The following DST variants were observed in gnomAD, a reference collection of about 807,000 sequenced individuals.
DST encodes the protein dystonin, also known as bullous pemphigoid antigen.
A neutral mutation model predicts 875.2 loss-of-function variants in DST; 253 were observed. The observed-to-expected ratio is 0.29, with a 90% CI of 0.26 to 0.32. The LOEUF (loss-of-function observed/expected upper bound fraction) is 0.32. Ranked by LOEUF, DST falls within the 10% of genes least tolerant of loss-of-function variation. DST has a pLI of 1.00. For synonymous variants in DST, 3,124 were observed against 3,197.1 expected (o/e 0.98, Z 0.77); for missense variants, 8,287 against 9,111.6 (o/e 0.91, Z 3.68).
In DST at chr6:56,557,571, C is replaced by CT. The variant is rs2097447183; in HGVS notation, c.14441-54dup. On this transcript the variant is annotated intron_variant, in intron 58 of 103. Transcript: ENST00000680361. ...TTGACATTTTTTGCATTTAACATGACTATGTCTATGAGGACTGTATGGTAT... is the reference window on the plus strand; with the variant it reads ...TTGACATTTTTTGCATTTAACATGACTTATGTCTATGAGGACTGTATGGTAT... The CT allele has an allele frequency of 3.0e-6, 4 of 1,342,638 alleles. No individual in the cohort carries two copies. The Admixed American group carries it at 8.0e-5, about 27-fold the overall frequency. 83.2% of individuals were successfully genotyped at this position (1,342,638 alleles called of 1,614,324 possible).
At chr6:56,849,920 A>T (rs1448642723) in intron 4 of DST, among the ~76,000 whole-genome samples, 1 of 151,680 alleles carries the variant, frequency 6.6e-6, no homozygotes, top group Admixed American at 6.6e-5. Flanking sequence ...TCTCACTCAC[A>T]CCCTCCTTTC....
intron 75 of DST, among the ~76,000 whole-genome samples, chr6:56,507,092 G>GT (rs1180126874): frequency 1.3e-5 from 2 of 152,104 alleles, no homozygotes; most frequent in African/African-American, 4.8e-5. Flanking sequence ...GGCTTAGAAA[G>GT]ACATTTTGGT....
At chr6:56,797,262 G>C (rs955882101) in intron 4 of DST, among the ~76,000 whole-genome samples, 1 of 152,064 alleles carries the variant, frequency 6.6e-6, no homozygotes, top group African/African-American at 2.4e-5. Flanking sequence ...CCAACAACCA[G>C]CCACCATACC....
At chr6:56,947,726 C>T (rs1449484062) in intron 2 of DST, among the ~76,000 whole-genome samples, 1 of 152,226 alleles carries the variant, frequency 6.6e-6, no homozygotes, top group African/African-American at 2.4e-5. Context: ...GTCCCTTTCT[C>T]TAACCATACT....
At chr6:56,617,927 A>G (rs144702481) in intron 36 of DST, 1 of 1,470,236 alleles carries the variant, frequency 6.8e-7, no homozygotes, top group African/African-American at 1.4e-5. Flanking sequence ...GAGAGAAAGG[A>G]AACAAATGAG....
In DST at chr6:56,662,759, G is replaced by T. The variant is rs141941126; in HGVS notation, c.1214+7882C>A. On this transcript the variant is annotated intron_variant, in intron 10 of 103. Coordinates refer to ENST00000680361, the MANE Select transcript of DST (RefSeq NM_001374736.1). ...GTTTGAGAACAGCCCAACCAAAATG[G>T]TGAAACCCTGTCTCTACTAAAAATA... Among the ~76,000 whole-genome samples, 40 of 152,156 alleles carry T rather than the reference G, an allele frequency of 2.6e-4. No homozygotes were observed. The East Asian group carries it at 7.7e-3, about 29-fold the overall frequency.
chr6:56,511,153 G>C, intron 73 of DST, 44 bp downstream of exon 73: 3 of 1,483,642 alleles, frequency 2.0e-6, no homozygotes, highest in Non-Finnish European at 2.8e-6. Flanking sequence ...TCTGTGCTCT[G>C]TTGTCTGCAA....
chr6:56,501,418 A>G (rs1274040221), intron 79 of DST, 102 bp downstream of exon 79: 1 of 1,160,638 alleles, frequency 8.6e-7, no homozygotes, highest in African/African-American at 1.6e-5. Flanking sequence ...AATAGAATAT[A>G]TGAGAAGCAG....
At chr6:56,842,063 G>C (rs1477248800) in intron 4 of DST, among the ~76,000 whole-genome samples, 2 of 151,254 alleles carry the variant, frequency 1.3e-5, no homozygotes, top group Non-Finnish European at 3.0e-5. Context: ...TGGGGCTTTG[G>C]AATTTTATTG....
At chr6:56,601,825 T>C in intron 43 of DST, 149 bp from the exon 44 acceptor site, 1 of 562,156 alleles carries the variant, frequency 1.8e-6, no homozygotes. Flanking sequence ...AAAATCTATT[T>C]ATCATCTAGT....
chr6:56,830,493 C>T (rs2099785690), intron 4 of DST, among the ~76,000 whole-genome samples: 1 of 152,106 alleles, frequency 6.6e-6, no homozygotes, highest in Admixed American at 6.5e-5. Context: ...CATAAGTTTT[C>T]TTTCCATATT....
intron 5 of DST, among the ~76,000 whole-genome samples, chr6:56,710,119 A>G (rs187317146): frequency 6.6e-6 from 1 of 152,342 alleles, no homozygotes; most frequent in Non-Finnish European, 1.5e-5. Flanking sequence ...GTAAACTATT[A>G]TCTTAAGCAA....
chr6:56,733,411 A>T (rs1433682680), intron 5 of DST, among the ~76,000 whole-genome samples: 1 of 152,190 alleles, frequency 6.6e-6, no homozygotes, highest in Non-Finnish European at 1.5e-5. Context: ...ATTTTGTCTG[A>T]CACCTTCCAA....
intron 9 of DST, among the ~76,000 whole-genome samples, chr6:56,676,051 G>A (rs1352585121): frequency 1.3e-5 from 2 of 151,966 alleles, no homozygotes; most frequent in Non-Finnish European, 2.9e-5. Flanking sequence ...TCAAAAAAAA[G>A]GAAAGATAAC....
At chr6:56,691,599 C>A (rs1349764073) in intron 9 of DST, among the ~76,000 whole-genome samples, 1 of 152,078 alleles carries the variant, frequency 6.6e-6, no homozygotes, top group Non-Finnish European at 1.5e-5. Context: ...TGAGTAGTAA[C>A]ATGTAGAGGT....
chr6:56,874,273 AG>A (rs1778696715), intron 3 of DST, among the ~76,000 whole-genome samples: 2 of 152,350 alleles, frequency 1.3e-5, no homozygotes, highest in Non-Finnish European at 2.9e-5. Context: ...CCGGAGTTCA[AG>A]GCTGCAGAGA....
chr6:56,708,765 G>A (rs1331321670), intron 5 of DST, among the ~76,000 whole-genome samples: 1 of 152,128 alleles, frequency 6.6e-6, no homozygotes, highest in Non-Finnish European at 1.5e-5. Context: ...GGAAAGAATT[G>A]GGGTTCCAAT....
At chr6:56,712,986 C>CA (rs1413757034) in intron 5 of DST, among the ~76,000 whole-genome samples, 1 of 152,028 alleles carries the variant, frequency 6.6e-6, no homozygotes, top group Non-Finnish European at 1.5e-5. Flanking sequence ...GAAACAACAA[C>CA]AAAAAAAGAG....
chr6:56,702,450 T>C (rs1403831315), intron 7 of DST, among the ~76,000 whole-genome samples: 1 of 151,894 alleles, frequency 6.6e-6, no homozygotes, highest in African/African-American at 2.4e-5. Flanking sequence ...TAAAGTAGCA[T>C]GCAGTTAGTA....
Sources: gnomAD v4.1 joint callset for allele counts (sites outside exome capture counted in the v4.1 genomes callset) on GRCh38, gnomAD v4.1.1 for gene constraint, MANE v1.5 for transcripts, NCBI Gene and HGNC (gene_info 2026-07-23, HGNC 2026-07-21) for gene names.